DLGAP2: variants seen among roughly 807,000 people sequenced by gnomAD.
DLGAP2 encodes disks large-associated protein 2.
In DLGAP2, 26 loss-of-function variants were observed where a neutral mutation model predicts 100.3. That is an observed-to-expected ratio of 0.26 (90% CI 0.19 to 0.36). DLGAP2 has a LOEUF of 0.36. DLGAP2 is among the 10% of genes least tolerant of loss of function. The probability of loss-of-function intolerance (pLI) is 1.00; values close to 1 mark genes in which losing one functional copy is unlikely to be tolerated. For synonymous variants in DLGAP2, 886 were observed against 630.1 expected (o/e 1.41, Z -6.08); for missense variants, 1,858 against 1,453.2 (o/e 1.28, Z -4.53).
At chr8:1,381,086 A>G (rs1796083446) in intron 3 of DLGAP2, 1 of 152,118 alleles carries the variant, frequency 6.6e-6, no homozygotes, top group African/African-American at 2.4e-5. Flanking sequence ...CCAATTAAAA[A>G]TAAAGGTCAC....
intron 7 of DLGAP2, among the ~76,000 whole-genome samples, chr8:1,630,116 T>C (rs1797605415): frequency 6.6e-6 from 1 of 152,182 alleles, no homozygotes; most frequent in Admixed American, 6.5e-5. Context: ...TTACTTTAAA[T>C]TGAACTCAGT....
chr8:1,629,203 TC>T (rs983374203), intron 7 of DLGAP2, among the ~76,000 whole-genome samples: 6 of 152,206 alleles, frequency 3.9e-5, no homozygotes, highest in African/African-American at 1.4e-4. Flanking sequence ...CAGGACTTTT[TC>T]CACTGAACTA....
At chr8:1,502,389 C>T (rs1799753904) in intron 4 of DLGAP2, among the ~76,000 whole-genome samples, 1 of 152,162 alleles carries the variant, frequency 6.6e-6, no homozygotes, top group African/African-American at 2.4e-5. Context: ...TTGAAGGAGT[C>T]CACTTTGTAT....
At chr8:1,098,784 C>T (rs1804483582) in intron 2 of DLGAP2, among the ~76,000 whole-genome samples, 2 of 128,452 alleles carry the variant, frequency 1.6e-5, no homozygotes, top group South Asian at 5.1e-4. Flanking sequence ...CGCCAGGCTC[C>T]CGGCCGCCCA....
chr8:1,151,138 T>C (rs1796690067), intron 2 of DLGAP2, among the ~76,000 whole-genome samples: 2 of 152,220 alleles, frequency 1.3e-5, no homozygotes, highest in African/African-American at 4.8e-5. Flanking sequence ...TTCTATCTCA[T>C]GGATGCGTTT....
At chr8:1,186,927 T>C (rs963449784) in intron 2 of DLGAP2, among the ~76,000 whole-genome samples, 12 of 152,122 alleles carry the variant, frequency 7.9e-5, no homozygotes, top group African/African-American at 2.9e-4. Flanking sequence ...TGGGAAATTG[T>C]GTGGGGCAGA....
At chr8:1,681,707 C>T (rs540763683) in intron 12 of DLGAP2, among the ~76,000 whole-genome samples, 1 of 152,274 alleles carries the variant, frequency 6.6e-6, no homozygotes, top group Non-Finnish European at 1.5e-5. Flanking sequence ...TATGTCAGGC[C>T]CTGTGCCGAA....
intron 2 of DLGAP2, chr8:1,002,623 C>T (rs1431694691): frequency 3.9e-5 from 6 of 152,202 alleles, no homozygotes; most frequent in Admixed American, 2.6e-4. Context: ...TGAGTGGACG[C>T]CCTGTGGGGT....
intron 3 of DLGAP2, among the ~76,000 whole-genome samples, chr8:1,472,538 G>C (rs771309298): frequency 6.6e-6 from 1 of 152,186 alleles, no homozygotes; most frequent in African/African-American, 2.4e-5. Flanking sequence ...GGAAATGTCA[G>C]GGTCTCGGGC....
At position 1,238,430 on chromosome 8, in the gene DLGAP2, T is replaced by G. The variant is rs1410228212; in HGVS notation, c.74-20421T>G. ...GTCTAGTTATCTCACATGGTGCCGT[T>G]TCTAGTTCTCTCACATGGCGCCGTG... On this transcript the variant is annotated intron_variant, in intron 2 of 14. Coordinates refer to ENST00000637795, the MANE Select transcript of DLGAP2 (RefSeq NM_001346810.2). 2.9e-4 allele frequency among the ~76,000 whole-genome samples: 23 copies of G among 80,114 alleles called. 1 individual carries two copies. Among genetic ancestry groups the G allele is most frequent in the African/African-American group, 5.1e-4 (10 of 19,470 alleles). 52.6% of individuals were successfully genotyped at this position (80,114 alleles called of 152,430 possible).
At chr8:1,049,215 A>G (rs939231982) in intron 2 of DLGAP2, among the ~76,000 whole-genome samples, 2 of 152,198 alleles carry the variant, frequency 1.3e-5, no homozygotes, top group African/African-American at 2.4e-5. Context: ...TACGGGGGAA[A>G]ATGTGTAATG....
chr8:853,610 T>G (rs895325080), intron 1 of DLGAP2, among the ~76,000 whole-genome samples: 1 of 152,156 alleles, frequency 6.6e-6, no homozygotes, highest in Non-Finnish European at 1.5e-5. Context: ...ATCCAAGTTC[T>G]CAGATATAGC....
intron 1 of DLGAP2, among the ~76,000 whole-genome samples, chr8:876,474 C>G (rs375856136): frequency 7.2e-5 from 11 of 152,290 alleles, no homozygotes; most frequent in African/African-American, 2.6e-4. Flanking sequence ...TTTCTGGCCT[C>G]TACTGTTTCT....
chr8:1,054,538 C>T (rs2129033653), intron 2 of DLGAP2, among the ~76,000 whole-genome samples: 1 of 152,246 alleles, frequency 6.6e-6, no homozygotes, highest in Non-Finnish European at 1.5e-5. Context: ...TATGATATTT[C>T]TGCAAATATT....
chr8:785,291 T>C (rs1394754828), intron 1 of DLGAP2, among the ~76,000 whole-genome samples: 1 of 144,962 alleles, frequency 6.9e-6, no homozygotes, highest in Non-Finnish European at 1.5e-5. Flanking sequence ...GATCCTGCCA[T>C]GCTTGAGCCA....
chr8:820,903 T>A (rs117118401), intron 1 of DLGAP2, among the ~76,000 whole-genome samples: 5,606 of 152,288 alleles, frequency 0.037, 148 homozygotes, highest in Non-Finnish European at 0.058. Flanking sequence ...TGGAGAAATG[T>A]TAATATATTA....
intron 1 of DLGAP2, among the ~76,000 whole-genome samples, chr8:755,750 A>G (rs1445751183): frequency 1.3e-5 from 2 of 152,104 alleles, no homozygotes; most frequent in Non-Finnish European, 2.9e-5. Flanking sequence ...TCAGATCCCC[A>G]GCTGGGGTGC....
intron 1 of DLGAP2, among the ~76,000 whole-genome samples, chr8:856,848 G>C (rs958992649): frequency 3.3e-5 from 5 of 152,308 alleles, no homozygotes; most frequent in South Asian, 4.1e-4. Flanking sequence ...ATCCCAGCAT[G>C]TTATTTTGTG....
intron 2 of DLGAP2, among the ~76,000 whole-genome samples, chr8:1,162,702 G>A (rs914794103): frequency 7.2e-5 from 11 of 152,240 alleles, no homozygotes; most frequent in Non-Finnish European, 5.9e-5. Context: ...ATAGTTTAGT[G>A]TGCAAACAGC....
Sources: gnomAD v4.1 joint callset for allele counts (sites outside exome capture counted in the v4.1 genomes callset) on GRCh38, gnomAD v4.1.1 for gene constraint, MANE v1.5 for transcripts, NCBI Gene and HGNC (gene_info 2026-07-23, HGNC 2026-07-21) for gene names.